The following MAP2K5 variants were observed in gnomAD, a reference collection of about 807,000 sequenced individuals.
The protein encoded by MAP2K5 is dual specificity mitogen-activated protein kinase kinase 5.
MAP2K5 carries 49 observed loss-of-function variants against 83.1 expected under a neutral mutation model. That is an observed-to-expected ratio of 0.59 (90% CI 0.47 to 0.75). The LOEUF (loss-of-function observed/expected upper bound fraction) is 0.75. MAP2K5 is among the 30% of genes least tolerant of loss of function. The probability of loss-of-function intolerance (pLI) is 0.00; values close to 1 mark genes in which losing one functional copy is unlikely to be tolerated. For missense variants in MAP2K5, 457 were observed against 557.5 expected (o/e 0.82, Z 1.82); for synonymous variants, 202 against 191.8 (o/e 1.05, Z -0.44).
At chr15:67,674,154 CT>C (rs965508713) in intron 13 of MAP2K5, among the ~76,000 whole-genome samples, 1 of 152,100 alleles carries the variant, frequency 6.6e-6, no homozygotes, top group Non-Finnish European at 1.5e-5. Flanking sequence ...GCCCCAAACA[CT>C]TTTTTAAAAG....
chr15:67,656,306 C>T (rs1016913355), intron 11 of MAP2K5, among the ~76,000 whole-genome samples: 16 of 149,296 alleles, frequency 1.1e-4, no homozygotes, highest in South Asian at 2.1e-4. Flanking sequence ...ATATATGTCA[C>T]GTCATGGGGA....
intron 16 of MAP2K5, among the ~76,000 whole-genome samples, chr15:67,713,561 C>A (rs1478191164): frequency 1.3e-5 from 2 of 152,172 alleles, no homozygotes; most frequent in Non-Finnish European, 1.5e-5. Flanking sequence ...CATGGCAAAA[C>A]CCCGTCTCTA....
chr15:67,700,063 G>A (rs768752911), intron 15 of MAP2K5, among the ~76,000 whole-genome samples: 5 of 151,758 alleles, frequency 3.3e-5, no homozygotes, highest in Non-Finnish European at 5.9e-5. Flanking sequence ...TAATTTTCTA[G>A]GTAGCCTGAG....
intron 1 of MAP2K5, chr15:67,549,102 T>C (rs947258269): frequency 5.9e-5 from 91 of 1,533,720 alleles, no homozygotes; most frequent in Non-Finnish European, 7.7e-5. Flanking sequence ...GTGCCAGTTC[T>C]GCTGCAGCCT....
Position 67,562,128 on chromosome 15 carries a change from G to A in MAP2K5, c.185-1155G>A, listed in dbSNP as rs972216502. Reference sequence around the variant, plus strand: ...AACTGAGGCATCCTGCTGAGAGCCTGCCCCTTCCAAGTTGTCCCCTTGGGA... The same window carrying A: ...AACTGAGGCATCCTGCTGAGAGCCTACCCCTTCCAAGTTGTCCCCTTGGGA... On this transcript the variant is annotated intron_variant, in intron 2 of 21. Coordinates refer to ENST00000178640, the MANE Select transcript of MAP2K5 (RefSeq NM_145160.3). The surrounding 1 kb of genome is among the most constrained non-coding windows in gnomAD (Gnocchi z 4.1). 6.6e-6 allele frequency among the ~76,000 whole-genome samples: 1 copy of A among 152,228 alleles called. No individual in the cohort carries two copies. Among genetic ancestry groups the A allele is most frequent in the Non-Finnish European group, 1.5e-5 (1 of 68,050 alleles).
At chr15:67,706,005 G>C (rs1014309181) in intron 16 of MAP2K5, among the ~76,000 whole-genome samples, 1 of 152,140 alleles carries the variant, frequency 6.6e-6, no homozygotes, top group Non-Finnish European at 1.5e-5. Flanking sequence ...AAGGACTTTA[G>C]GTATTACTCT....
intron 15 of MAP2K5, among the ~76,000 whole-genome samples, chr15:67,696,127 CTTTTTT>C (rs66634396): frequency 7.7e-6 from 1 of 129,962 alleles, no homozygotes; most frequent in Non-Finnish European, 1.6e-5. Flanking sequence ...AAGAGCTGAG[CTTTTTT>C]TTTTTTTTTT....
Position 67,806,971 on chromosome 15 carries a change from C to G in MAP2K5, c.*221C>G. 1.3e-6 allele frequency: 2 copies of G among 1,528,854 alleles called. No individual in the cohort carries two copies. The highest frequency in any genetic ancestry group is 1.8e-6 in the Non-Finnish European group (2 of 1,142,424). 94.7% of individuals were successfully genotyped at this position (1,528,854 alleles called of 1,614,324 possible). On this transcript the variant is annotated 3_prime_UTR_variant, in exon 22 of 22. Transcript: ENST00000178640. Reference sequence around the variant, plus strand: ...ACCTTCTGGTTTGAAGGCGCTGACACTGGCAGAGAGGTAAAGGGTGGGGCA... The same window carrying G: ...ACCTTCTGGTTTGAAGGCGCTGACAGTGGCAGAGAGGTAAAGGGTGGGGCA...
chr15:67,677,205 AT>A lies in MAP2K5; in HGVS notation c.847+12563del, dbSNP rs2087703637. Among the ~76,000 whole-genome samples the A allele has an allele frequency of 6.6e-6, 1 of 152,198 alleles. No individual in the cohort carries two copies. Among genetic ancestry groups the A allele is most frequent in the Non-Finnish European group, 1.5e-5 (1 of 68,038 alleles). ...AATCCATCCTATTAGTTCCAATAAG[AT>A]TTAGCTCATAAATATAATGCAGTTT... On this transcript the variant is annotated intron_variant, in intron 13 of 21. Coordinates refer to ENST00000178640, the MANE Select transcript of MAP2K5 (RefSeq NM_145160.3). The surrounding 1 kb of genome is among the most constrained non-coding windows in gnomAD (Gnocchi z 4.2).
chr15:67,626,177 G>A (rs948245320), intron 8 of MAP2K5, among the ~76,000 whole-genome samples: 64 of 152,060 alleles, frequency 4.2e-4, no homozygotes, highest in African/African-American at 1.4e-3. Context: ...AAAGTCTTAC[G>A]TATTATGTTA....
At chr15:67,662,487 A>G (rs1029712112) in intron 12 of MAP2K5, among the ~76,000 whole-genome samples, 1 of 152,196 alleles carries the variant, frequency 6.6e-6, no homozygotes, top group Admixed American at 6.5e-5. Context: ...TTTGACCAAT[A>G]GTGATTTGTT....
intron 21 of MAP2K5, among the ~76,000 whole-genome samples, chr15:67,799,292 G>A (rs2090661224): frequency 6.6e-6 from 1 of 152,284 alleles, no homozygotes; most frequent in Non-Finnish European, 1.5e-5. Flanking sequence ...ATGTGGACAG[G>A]AAGACTCCAC....
rs1323040825 is a variant in MAP2K5, at chr15:67,668,054, A to T, written c.847+3409A>T. On this transcript the variant is annotated intron_variant, in intron 13 of 21. Transcript: ENST00000178640. The surrounding 1 kb of genome is among the most constrained non-coding windows in gnomAD (Gnocchi z 4.0). Reference sequence around the variant, plus strand: ...ATTGTTTTGGAAATTGAAGCACAGCAGTTGCTATTCATAATGGATCATCAA... The same window carrying T: ...ATTGTTTTGGAAATTGAAGCACAGCTGTTGCTATTCATAATGGATCATCAA... Among the ~76,000 whole-genome samples the T allele has an allele frequency of 6.6e-6, 1 of 152,198 alleles. No individual in the cohort carries two copies. Among genetic ancestry groups the T allele is most frequent in the Non-Finnish European group, 1.5e-5 (1 of 68,034 alleles).
chr15:67,652,880 A>G lies in MAP2K5; in HGVS notation c.737-5673A>G, dbSNP rs1441554719. 6.6e-6 allele frequency among the ~76,000 whole-genome samples: 1 copy of G among 152,126 alleles called. No homozygotes were observed. The highest frequency in any genetic ancestry group is 1.5e-5 in the Non-Finnish European group (1 of 68,018). On this transcript the variant is annotated intron_variant, in intron 11 of 21. Transcript: ENST00000178640. This position sits in a 1 kb window ranked among gnomAD's most constrained non-coding sequence, Gnocchi z 4.2. ...AGGTACCTCATATAATTGGAATCAC[A>G]CAGTATTTGTCTTATTGTGTCTGGC...
intron 9 of MAP2K5, 113 bp from the exon 10 acceptor site, chr15:67,646,118 A>G: frequency 3.7e-6 from 2 of 539,076 alleles, no homozygotes; most frequent in Non-Finnish European, 3.3e-6. Flanking sequence ...TGGTAAGAAG[A>G]AGGAGGTGGG....
chr15:67,664,724 G>C lies in MAP2K5; in HGVS notation c.847+79G>C, dbSNP rs529022287. 7 of 909,838 alleles carry C rather than the reference G, an allele frequency of 7.7e-6. No individual in the cohort carries two copies. The African/African-American group carries it at 1.0e-4, about 13-fold the overall frequency. The allele number at this position is 909,838 out of a possible 1,614,324, so 56.4% of individuals were successfully genotyped here. ...CCAGATACCTTGATTTTTAAAGTAA[G>C]TGTTCTGACATTTAAGCCAGCTGAT... On this transcript the variant is annotated intron_variant, in intron 13 of 21. Coordinates refer to ENST00000178640, the MANE Select transcript of MAP2K5 (RefSeq NM_145160.3).
intron 2 of MAP2K5, among the ~76,000 whole-genome samples, chr15:67,558,160 A>G (rs756804616): frequency 2.6e-5 from 4 of 152,224 alleles, no homozygotes; most frequent in Non-Finnish European, 1.5e-5. Flanking sequence ...GCACCAGACT[A>G]GTTGTTCCTT....
rs11374166 is a variant in MAP2K5, at chr15:67,785,839, C to CT, written c.1242+13088dup. On this transcript the variant is annotated intron_variant, in intron 21 of 21. Coordinates refer to ENST00000178640, the MANE Select transcript of MAP2K5 (RefSeq NM_145160.3). The surrounding 1 kb of genome is among the most constrained non-coding windows in gnomAD (Gnocchi z 4.4). ...GTGTGAATGTGAGCCAAGAAGCAAC[C>CT]TGGGAAACTGGAAAGAGATTGAATT... 0.31 allele frequency among the ~76,000 whole-genome samples: 46,395 copies of CT among 152,016 alleles called. 8,160 individuals are homozygous for CT. The highest frequency in any genetic ancestry group is 0.59 in the East Asian group (3,062 of 5,148).
chr15:67,671,489 T>C (rs551116569), intron 13 of MAP2K5, among the ~76,000 whole-genome samples: 136 of 152,142 alleles, frequency 8.9e-4, no homozygotes, highest in Non-Finnish European at 1.7e-3. Context: ...GCTAAGAAAA[T>C]GTTGCTTTCT....
Sources: allele counts gnomAD v4.1 joint callset (sites outside exome capture counted in the v4.1 genomes callset), GRCh38; gene constraint gnomAD v4.1.1; non-coding constraint Gnocchi (gnomAD v3.1); transcripts MANE v1.5; gene names NCBI Gene and HGNC (gene_info 2026-07-23, HGNC 2026-07-21).